Variants in ERGIC1 observed in about 807,000 individuals in gnomAD.
The protein encoded by ERGIC1 is endoplasmic reticulum-Golgi intermediate compartment protein 1.
ERGIC1 carries 19 observed loss-of-function variants against 38.3 expected under a neutral mutation model. The ratio of observed to expected loss-of-function variants is 0.50; its 90% CI spans 0.35 to 0.73. ERGIC1 has a LOEUF of 0.73. ERGIC1 is among the 30% of genes least tolerant of loss of function. The pLI is 0.01. For synonymous variants in ERGIC1, 124 were observed against 157.6 expected (o/e 0.79, Z 1.60); for missense variants, 294 against 389.2 (o/e 0.76, Z 2.06).
At position 172,893,941 on chromosome 5, in the gene ERGIC1, A is replaced by ATG. The variant is rs1762648268; in HGVS notation, c.83-3060_83-3059insGT. 2.8e-4 allele frequency among the ~76,000 whole-genome samples: 11 copies of ATG among 38,668 alleles called. 2 individuals are homozygous for ATG. The highest frequency in any genetic ancestry group is 7.1e-4 in the African/African-American group (11 of 15,450). 25.4% of individuals were successfully genotyped at this position (38,668 alleles called of 152,430 possible). Reference sequence around the variant, plus strand: ...TGTGTGTGTGTGTGTGTGTGTATATATATATATATATATTTAAATGTCCAT... The same window carrying ATG: ...TGTGTGTGTGTGTGTGTGTGTATATATGTATATATATATATTTAAATGTCCAT... On this transcript the variant is annotated intron_variant, in intron 2 of 9. Coordinates refer to ENST00000393784, the MANE Select transcript of ERGIC1 (RefSeq NM_001031711.3).
chr5:172,941,804 T>TC (rs1369179147), intron 9 of ERGIC1, among the ~76,000 whole-genome samples: 2 of 152,260 alleles, frequency 1.3e-5, no homozygotes, highest in African/African-American at 4.8e-5. Flanking sequence ...TTGCAAGTTT[T>TC]CCTGCCCATA....
chr5:172,926,470 G>T lies in ERGIC1; in HGVS notation c.481-39G>T, dbSNP rs1342165530. On this transcript the variant is annotated intron_variant, in intron 6 of 9. Transcript: ENST00000393784. The surrounding 1 kb of genome is among the most constrained non-coding windows in gnomAD (Gnocchi z 5.2). Reference sequence around the variant, plus strand: ...ACCAGGGCCAGGCCTGGAGGTGGAGGTGTCCTGGGGACCATCCCCTCACTG... The same window carrying T: ...ACCAGGGCCAGGCCTGGAGGTGGAGTTGTCCTGGGGACCATCCCCTCACTG... 1.2e-6 allele frequency: 2 copies of T among 1,612,346 alleles called. No homozygotes were observed. The highest frequency in any genetic ancestry group is 1.7e-6 in the Non-Finnish European group (2 of 1,178,914).
intron 9 of ERGIC1, among the ~76,000 whole-genome samples, chr5:172,945,826 A>G (rs1173650370): frequency 6.6e-6 from 1 of 152,144 alleles, no homozygotes; most frequent in Non-Finnish European, 1.5e-5. Context: ...CTGGGATTAC[A>G]GGCACCTGCC....
chr5:172,843,143 C>G (rs1018594298), intron 1 of ERGIC1, among the ~76,000 whole-genome samples: 1 of 152,116 alleles, frequency 6.6e-6, no homozygotes, highest in Non-Finnish European at 1.5e-5. Context: ...GAAACTCCGT[C>G]TCAAAAATTA....
Position 172,843,548 on chromosome 5 carries a change from C to T in ERGIC1, c.20+9115C>T, listed in dbSNP as rs140966035. Among the ~76,000 whole-genome samples, 641 of 152,314 alleles carry T rather than the reference C, an allele frequency of 4.2e-3. 9 individuals carry two copies. The highest frequency in any genetic ancestry group is 0.015 in the African/African-American group (609 of 41,560). On this transcript the variant is annotated intron_variant, in intron 1 of 9. Transcript: ENST00000393784. ...TTTGGGAAACCCTGGTGATATTTGG[C>T]GTGTTTTGATGTCTTGCTGGGTCCA...
intron 9 of ERGIC1, among the ~76,000 whole-genome samples, chr5:172,948,789 C>T (rs1764173182): frequency 6.6e-6 from 1 of 152,174 alleles, no homozygotes; most frequent in Non-Finnish European, 1.5e-5. Context: ...TGGTTCATGC[C>T]TGTAATCCTA....
At chr5:172,896,874 C>T in intron 2 of ERGIC1, 128 bp from the exon 3 acceptor site, 1 of 796,102 alleles carries the variant, frequency 1.3e-6, no homozygotes, top group Non-Finnish European at 2.1e-6. Flanking sequence ...TCAGAAGGGG[C>T]TCTGGAGGGT....
At chr5:172,923,867 T>C (rs1047327071) in intron 5 of ERGIC1, 138 bp from the exon 6 acceptor site, 3 of 753,652 alleles carry the variant, frequency 4.0e-6, no homozygotes, top group African/African-American at 3.4e-5. Flanking sequence ...CTTTGCACAG[T>C]TGAAAATGAT....
At position 172,947,483 on chromosome 5, in the gene ERGIC1, G is replaced by GGATAA. The variant is rs1764149117; in HGVS notation, c.766-3226_766-3225insGATAA. Among the ~76,000 whole-genome samples the GGATAA allele has an allele frequency of 3.3e-5, 5 of 152,310 alleles. No homozygotes were observed. In the South Asian group the frequency reaches 1.0e-3, roughly 32 times the overall value. On this transcript the variant is annotated intron_variant, in intron 9 of 9. Coordinates refer to ENST00000393784, the MANE Select transcript of ERGIC1 (RefSeq NM_001031711.3). ...CACTGTGCCCAGCTGAGTTATCTCA[G>GGATAA]CTTTGAGGAAACCCCCCTGGAATGT... is the stretch of plus-strand genomic sequence containing the variant.
chr5:172,885,783 G>A (rs935846398), intron 1 of ERGIC1, among the ~76,000 whole-genome samples: 1 of 152,110 alleles, frequency 6.6e-6, no homozygotes, highest in African/African-American at 2.4e-5. Flanking sequence ...CCTATGACAC[G>A]AGGCGGACCA....
intron 1 of ERGIC1, among the ~76,000 whole-genome samples, chr5:172,851,359 A>G (rs1300842986): frequency 2.0e-5 from 3 of 151,508 alleles, no homozygotes; most frequent in Admixed American, 6.6e-5. Flanking sequence ...AAATACAAAA[A>G]TTAGCCGGGC....
chr5:172,896,960 C>T (rs1437641547), intron 2 of ERGIC1, 42 bp from the exon 3 acceptor site: 4 of 1,593,500 alleles, frequency 2.5e-6, no homozygotes, highest in South Asian at 1.1e-5. Context: ...TTCGTCAGTG[C>T]CCACCACCCT....
At chr5:172,881,953 C>G (rs1762295861) in intron 1 of ERGIC1, among the ~76,000 whole-genome samples, 1 of 152,222 alleles carries the variant, frequency 6.6e-6, no homozygotes, top group Non-Finnish European at 1.5e-5. Context: ...CTGGTCACAT[C>G]ACCGCAGCAA....
intron 9 of ERGIC1, among the ~76,000 whole-genome samples, chr5:172,942,127 G>A (rs923071592): frequency 4.6e-5 from 7 of 152,170 alleles, no homozygotes; most frequent in Non-Finnish European, 8.8e-5. Context: ...CTTGAACCAG[G>A]AGGTTGCAGT....
intron 2 of ERGIC1, among the ~76,000 whole-genome samples, chr5:172,893,868 G>GAT (rs1191189327): frequency 3.3e-3 from 92 of 28,146 alleles, no homozygotes; most frequent in African/African-American, 5.0e-3. Flanking sequence ...CACTTAGGGG[G>GAT]ATATATATAT....
chr5:172,835,736 C>G (rs925783800), intron 1 of ERGIC1, among the ~76,000 whole-genome samples: 1 of 152,198 alleles, frequency 6.6e-6, no homozygotes, highest in Admixed American at 6.5e-5. Flanking sequence ...GGTCTTGGAC[C>G]TCTTGATTGG....
intron 1 of ERGIC1, among the ~76,000 whole-genome samples, chr5:172,843,841 G>A (rs1231959395): frequency 6.6e-6 from 1 of 152,260 alleles, no homozygotes; most frequent in African/African-American, 2.4e-5. Context: ...GCCTCTGCAA[G>A]CCTCAGTTTT....
At chr5:172,948,769 T>A (rs927551724) in intron 9 of ERGIC1, among the ~76,000 whole-genome samples, 7 of 152,122 alleles carry the variant, frequency 4.6e-5, no homozygotes, top group Non-Finnish European at 7.4e-5. Context: ...TCTTGCAAGG[T>A]CTGGAACAGT....
intron 9 of ERGIC1, among the ~76,000 whole-genome samples, chr5:172,947,858 G>A (rs1181229196): frequency 2.7e-5 from 4 of 148,930 alleles, no homozygotes; most frequent in Non-Finnish European, 5.9e-5. Flanking sequence ...ATTGTGTGTA[G>A]ATGAATACAG....
Sources: allele counts gnomAD v4.1 joint callset (sites outside exome capture counted in the v4.1 genomes callset), GRCh38; gene constraint gnomAD v4.1.1; non-coding constraint Gnocchi (gnomAD v3.1); transcripts MANE v1.5; gene names NCBI Gene and HGNC (gene_info 2026-07-23, HGNC 2026-07-21).